TP53AIP1: variants seen among roughly 807,000 people sequenced by gnomAD.
TP53AIP1 encodes p53-regulated apoptosis-inducing protein 1.
A neutral mutation model predicts 9.5 loss-of-function variants in TP53AIP1; 14 were observed. The observed-to-expected ratio is 1.47, with a 90% CI of 0.97 to 2.30. The LOEUF (loss-of-function observed/expected upper bound fraction) is 2.30, where lower values mean the gene tolerates loss of function less well. Among genes scored for constraint, TP53AIP1 ranks in the 30% most tolerant of loss-of-function variants. TP53AIP1 has a pLI of 0.00. For synonymous variants in TP53AIP1, 73 were observed against 61.2 expected, an observed-to-expected ratio of 1.19 and a Z score of -0.90; for missense variants, 153 against 146.7, an observed-to-expected ratio of 1.04 and a Z score of -0.22.
downstream of TP53AIP1, chr11:128,935,327 T>C (rs1043822825): frequency 1.2e-5 from 17 of 1,418,784 alleles, no homozygotes; most frequent in Non-Finnish European, 9.2e-6. Context: ...TTTTAGTTTT[T>C]AGCAAGTGGA....
Position 128,937,743 on chromosome 11 carries a change from T to C in TP53AIP1, c.76A>G (p.Arg26Gly). 6.2e-7 allele frequency: 1 copy of C among 1,613,948 alleles called. No individual in the cohort carries two copies. The highest frequency in any genetic ancestry group is 8.5e-7 in the Non-Finnish European group (1 of 1,179,986). The part of the protein sequence containing the change: ...CSGARRQGLG[R>G]GDQNLSVMPP... ...ATCACCGAGAGGTTCTGGTCTCCCC[T>C]GCCCAGGCCCTGCCTCCTGGCCCCA... Residue 26 changes from arginine to glycine, a missense_variant, in exon 2 of 4, where the codon AGG becomes GGG. Coordinates refer to ENST00000531399, the MANE Select transcript of TP53AIP1 (RefSeq NM_022112.3). This position sits in a 1 kb window ranked among gnomAD's most constrained non-coding sequence, Gnocchi z 4.8.
At chr11:128,935,857 T>C in intron 3 of TP53AIP1, 145 bp from the exon 4 acceptor site, 1 of 1,353,242 alleles carries the variant, frequency 7.4e-7, no homozygotes, top group Non-Finnish European at 9.5e-7. Context: ...AGGCACATCA[T>C]TATTCTATCT....
rs961742272 is a variant in TP53AIP1, at chr11:128,939,873, T to C, written c.-76-1979A>G. Among the ~76,000 whole-genome samples the C allele has an allele frequency of 6.6e-6, 1 of 152,182 alleles. No individual in the cohort carries two copies. Among genetic ancestry groups the C allele is most frequent in the Non-Finnish European group, 1.5e-5 (1 of 68,024 alleles). On this transcript the variant is annotated intron_variant, in intron 1 of 3. Transcript: ENST00000531399. The surrounding 1 kb of genome is among the most constrained non-coding windows in gnomAD (Gnocchi z 4.1). ...AAAGCAGCTTTGTTTTCCTTCTATT[T>C]CCTGTTTGAAAAGTGAAGCGTTAAC...
In TP53AIP1 at chr11:128,936,104, T is replaced by C; in HGVS notation, c.254-392A>G. Reference sequence around the variant, plus strand: ...CTACACTGAGACTCAGGCAGGCCAGTTGTCCTGCCCATGTACACACAGCTC... The same window carrying C: ...CTACACTGAGACTCAGGCAGGCCAGCTGTCCTGCCCATGTACACACAGCTC... On this transcript the variant is annotated intron_variant, in intron 3 of 3. Coordinates refer to ENST00000531399, the MANE Select transcript of TP53AIP1 (RefSeq NM_022112.3). 4 of 880,180 alleles carry C rather than the reference T, an allele frequency of 4.5e-6. No individual in the cohort carries two copies. In the South Asian group the frequency reaches 1.7e-4, roughly 38 times the overall value. 54.5% of individuals were successfully genotyped at this position (880,180 alleles called of 1,614,324 possible).
chr11:128,935,738 T>G (rs1260254626), intron 3 of TP53AIP1, 26 bp from the exon 4 acceptor site: 1 of 1,532,634 alleles, frequency 6.5e-7, no homozygotes, highest in Non-Finnish European at 8.7e-7. Flanking sequence ...GAGAATTTAC[T>G]CTTTGCAAAA....
chr11:128,937,227 C>T lies in TP53AIP1; in HGVS notation c.141+451G>A. 8.1e-7 allele frequency: 1 copy of T among 1,239,758 alleles called. No homozygotes were observed. The highest frequency in any genetic ancestry group is 1.0e-6 in the Non-Finnish European group (1 of 989,320). The allele number at this position is 1,239,758 out of a possible 1,614,324, so 76.8% of individuals were successfully genotyped here. A position where few individuals can be genotyped will look rare whatever the true frequency, so the allele number is the denominator to read the frequency against. On this transcript the variant is annotated intron_variant, in intron 2 of 3. Transcript: ENST00000531399. The surrounding 1 kb of genome is among the most constrained non-coding windows in gnomAD (Gnocchi z 4.8). ...CTTCTTGGAGTAAGTGACTGGTGCT[C>T]CGAGGCCCATCTGGACAAAAGCAGG... is the stretch of plus-strand genomic sequence containing the variant.
At chr11:128,936,284 G>A in intron 3 of TP53AIP1, 4 of 1,224,944 alleles carry the variant, frequency 3.3e-6, no homozygotes, top group Non-Finnish European at 4.1e-6. Context: ...AGTTCAGTGG[G>A]TGTCAATTAG....
In TP53AIP1 at chr11:128,937,880, C is replaced by G. The variant is rs761705959; in HGVS notation, c.-62G>C. 87 of 1,529,436 alleles carry G rather than the reference C, an allele frequency of 5.7e-5. No individual in the cohort carries two copies. The highest frequency in any genetic ancestry group is 7.1e-5 in the Non-Finnish European group (81 of 1,135,412). The allele number at this position is 1,529,436 out of a possible 1,614,324, so 94.7% of individuals were successfully genotyped here. A position where few individuals can be genotyped will look rare whatever the true frequency, so the allele number is the denominator to read the frequency against. On this transcript the variant is annotated 5_prime_UTR_variant, in exon 2 of 4. Transcript: ENST00000531399. The surrounding 1 kb of genome is among the most constrained non-coding windows in gnomAD (Gnocchi z 4.8). ...GGCTTCTCCTCATTTGTTGTTAGGG[C>G]CAGTCCCTAAGGGACTAAAAACAAA...
intron 1 of TP53AIP1, among the ~76,000 whole-genome samples, chr11:128,938,244 G>A (rs569093638): frequency 2.7e-3 from 404 of 152,302 alleles, no homozygotes; most frequent in African/African-American, 9.2e-3. Context: ...CCCTGATGAG[G>A]GGTGCTCCAG....
At chr11:128,935,115 C>A (rs1944785242), downstream of TP53AIP1, 2 of 712,634 alleles carry the variant, frequency 2.8e-6, no homozygotes, top group African/African-American at 1.7e-5. Context: ...GCAGGAATGA[C>A]TGTCCACTGC....
In TP53AIP1 at chr11:128,937,289, T is replaced by C. The variant is rs1944844384; in HGVS notation, c.141+389A>G. 1.5e-6 allele frequency: 2 copies of C among 1,351,602 alleles called. No homozygotes were observed. Among genetic ancestry groups the C allele is most frequent in the South Asian group, 4.1e-5 (2 of 48,604 alleles). The allele number at this position is 1,351,602 out of a possible 1,614,324, so 83.7% of individuals were successfully genotyped here. ...ACGCAGAAGAGCAGGCCCGGAGCCC[T>C]GCACCCCAGCCTTCCCTCCCCATGC... is the stretch of plus-strand genomic sequence containing the variant. On this transcript the variant is annotated intron_variant, in intron 2 of 3. Transcript: ENST00000531399. The surrounding 1 kb of genome is among the most constrained non-coding windows in gnomAD (Gnocchi z 4.8).
At chr11:128,936,917 C>T in intron 2 of TP53AIP1, 1 of 1,222,382 alleles carries the variant, frequency 8.2e-7, no homozygotes, top group South Asian at 2.3e-5. Context: ...ACCGGCGCTT[C>T]CTCCCTCCCA....
rs1220238975 is a variant in TP53AIP1, at chr11:128,937,502, G to T, written c.141+176C>A. On this transcript the variant is annotated intron_variant, in intron 2 of 3. Transcript: ENST00000531399. This position sits in a 1 kb window ranked among gnomAD's most constrained non-coding sequence, Gnocchi z 4.8. Reference sequence around the variant, plus strand: ...TATTGATCAGGGCTGTCAGTTCCCAGCTCTGTCCAATGCTCTGAACTGGGG... The same window carrying T: ...TATTGATCAGGGCTGTCAGTTCCCATCTCTGTCCAATGCTCTGAACTGGGG... The T allele has an allele frequency of 6.3e-7, 1 of 1,594,018 alleles. No individual in the cohort carries two copies. Among genetic ancestry groups the T allele is most frequent in the Non-Finnish European group, 8.6e-7 (1 of 1,167,204 alleles).
intron 1 of TP53AIP1, among the ~76,000 whole-genome samples, chr11:128,938,881 T>C (rs1355930708): frequency 2.6e-5 from 4 of 152,092 alleles, no homozygotes; most frequent in African/African-American, 9.7e-5. Context: ...GTGGGAGCAC[T>C]CATCACAGGC....
Position 128,936,620 on chromosome 11 carries a change from T to C in TP53AIP1, c.171A>G (p.Gln57=). 6.3e-7 allele frequency: 1 copy of C among 1,588,222 alleles called. No homozygotes were observed. The highest frequency in any genetic ancestry group is 8.5e-7 in the Non-Finnish European group (1 of 1,175,230). The change falls in exon 3 of 4, where the codon CAA becomes CAG. Residue 57 remains glutamine (Q), a synonymous_variant. Coordinates refer to ENST00000531399, the MANE Select transcript of TP53AIP1 (RefSeq NM_022112.3). ...CTATTCCCCGGCACCCTCCGTGAAC[T>C]TGGGCACCCAAAACTAAGGGATCTG... ...WVSDPLVLGA[Q]VHGGCRGIEA...
rs1006264396 is a variant in TP53AIP1 at position 128,935,387 on chromosome 11, T to A, written c.*204A>T. 29 of 1,415,596 alleles carry A rather than the reference T, an allele frequency of 2.0e-5. No individual in the cohort carries two copies. In the South Asian group the frequency reaches 4.5e-4, roughly 22 times the overall value. 87.7% of individuals were successfully genotyped at this position (1,415,596 alleles called of 1,614,324 possible). Reference sequence around the variant, plus strand: ...CACAAGAATTTTTTTCCAGCTTTTATTTCAGATTTGGGGATACAGAAGGAT... The same window carrying A: ...CACAAGAATTTTTTTCCAGCTTTTAATTCAGATTTGGGGATACAGAAGGAT... On this transcript the variant is annotated 3_prime_UTR_variant, in exon 4 of 4. Transcript: ENST00000531399.
chr11:128,936,762 C>CTCAGCAAAGTG (rs1944832611), intron 2 of TP53AIP1, 113 bp from the exon 3 acceptor site: 2 of 1,448,826 alleles, frequency 1.4e-6, no homozygotes, highest in South Asian at 2.9e-5. Flanking sequence ...GGCATTTCAC[C>CTCAGCAAAGTG]TCAGCAAAGT....
Position 128,935,463 on chromosome 11 carries a change from A to C in TP53AIP1, c.*128T>G. 7.0e-7 allele frequency: 1 copy of C among 1,435,886 alleles called. No individual in the cohort carries two copies. The highest frequency in any genetic ancestry group is 9.1e-7 in the Non-Finnish European group (1 of 1,099,794). The allele number at this position is 1,435,886 out of a possible 1,614,324, so 88.9% of individuals were successfully genotyped here. A position where few individuals can be genotyped will look rare whatever the true frequency, so the allele number is the denominator to read the frequency against. On this transcript the variant is annotated 3_prime_UTR_variant, in exon 4 of 4. Transcript: ENST00000531399. ...AACTGGCCCAGTGGTCAAGGGGGGA[A>C]ATGAGGTGGCCGCTAGTCAGCGCTG...
downstream of TP53AIP1, chr11:128,935,149 C>T (rs1591462131): frequency 3.7e-6 from 3 of 812,158 alleles, no homozygotes; most frequent in African/African-American, 1.7e-5. Context: ...CCAGCGGGGG[C>T]CCGGGGCTTG....
Sources: allele counts gnomAD v4.1 joint callset (sites outside exome capture counted in the v4.1 genomes callset), GRCh38; gene constraint gnomAD v4.1.1; non-coding constraint Gnocchi (gnomAD v3.1); transcripts MANE v1.5; gene names NCBI Gene and HGNC (gene_info 2026-07-23, HGNC 2026-07-21).